The following ST7 variants were observed in gnomAD, a reference collection of about 807,000 sequenced individuals.
The protein encoded by ST7 is suppressor of tumorigenicity 7 protein.
In ST7, 28 loss-of-function variants were observed where a neutral mutation model predicts 78.7. That is an observed-to-expected ratio of 0.36 (90% CI 0.26 to 0.49). The LOEUF (loss-of-function observed/expected upper bound fraction) is 0.49. ST7 is among the 20% of genes least tolerant of loss of function. ST7 has a pLI of 0.99. For synonymous variants in ST7, 247 were observed against 249.6 expected, an observed-to-expected ratio of 0.99 and a Z score of 0.10; for missense variants, 418 against 696.0, an observed-to-expected ratio of 0.60 and a Z score of 4.49.
chr7:117,217,377 G>C (rs1563177051), intron 13 of ST7, among the ~76,000 whole-genome samples: 1 of 152,044 alleles, frequency 6.6e-6, no homozygotes, highest in Non-Finnish European at 1.5e-5. Flanking sequence ...ATGGGAAATG[G>C]CATTAAAATC....
At chr7:117,114,409 A>G (rs548620339) in intron 2 of ST7, among the ~76,000 whole-genome samples, 1 of 152,274 alleles carries the variant, frequency 6.6e-6, no homozygotes, top group Non-Finnish European at 1.5e-5. Context: ...TTTGCCAAAA[A>G]AAAAAAAACT....
chr7:117,014,019 G>A (rs575001805), intron 1 of ST7, among the ~76,000 whole-genome samples: 1 of 152,172 alleles, frequency 6.6e-6, no homozygotes, highest in Admixed American at 6.5e-5. Flanking sequence ...CAGTGGAAAG[G>A]AAAGTAGCAA....
intron 1 of ST7, among the ~76,000 whole-genome samples, chr7:117,038,873 ACTCAATGATATCTT>A (rs1797050609): frequency 6.6e-6 from 1 of 152,142 alleles, no homozygotes; most frequent in South Asian, 2.1e-4. Context: ...AAATCCTTCC[ACTCAATGATATCTT>A]CTCTTAATAT....
At chr7:117,038,287 T>C (rs1797001789) in intron 1 of ST7, among the ~76,000 whole-genome samples, 2 of 152,230 alleles carry the variant, frequency 1.3e-5, no homozygotes, top group Non-Finnish European at 1.5e-5. Context: ...TGTTGGGTAT[T>C]GATTAACACC....
chr7:117,083,216 C>T (rs529944294), intron 1 of ST7, among the ~76,000 whole-genome samples: 92 of 151,950 alleles, frequency 6.1e-4, no homozygotes, highest in African/African-American at 1.9e-3. Flanking sequence ...CCCACAACCA[C>T]ACCTGGCTAA....
intron 6 of ST7, 75 bp downstream of exon 6, chr7:117,132,035 G>A (rs1474724535): frequency 6.6e-6 from 9 of 1,372,030 alleles, no homozygotes; most frequent in Non-Finnish European, 9.2e-6. Context: ...CCATTGATAG[G>A]ATACTTAAAT....
intron 9 of ST7, among the ~76,000 whole-genome samples, chr7:117,170,411 A>G (rs768001301): frequency 6.6e-6 from 1 of 152,206 alleles, no homozygotes; most frequent in Non-Finnish European, 1.5e-5. Context: ...TATACTTTAA[A>G]AATACGAAAT....
chr7:116,990,808 T>C (rs1460987442), intron 1 of ST7, among the ~76,000 whole-genome samples: 1 of 152,224 alleles, frequency 6.6e-6, no homozygotes, highest in African/African-American at 2.4e-5. Context: ...ACACACCATA[T>C]ACTTTACTAA....
chr7:117,176,928 G>A (rs1297343622), intron 10 of ST7, among the ~76,000 whole-genome samples: 2 of 152,132 alleles, frequency 1.3e-5, no homozygotes, highest in Non-Finnish European at 1.5e-5. Context: ...AACCTAGTCC[G>A]GCTCATTTCC....
chr7:116,988,778 C>T (rs758468897), intron 1 of ST7, among the ~76,000 whole-genome samples: 1 of 152,312 alleles, frequency 6.6e-6, no homozygotes, highest in East Asian at 1.9e-4. Context: ...GATGTTGTTA[C>T]TTGAATTGAC....
chr7:116,972,160 GC>G, intron 1 of ST7: 1 of 556,068 alleles, frequency 1.8e-6, no homozygotes, highest in Non-Finnish European at 3.5e-6. Flanking sequence ...GTGGGACTGG[GC>G]TTTCTACATC....
At chr7:117,157,269 A>T (rs1806773959) in intron 9 of ST7, among the ~76,000 whole-genome samples, 1 of 152,194 alleles carries the variant, frequency 6.6e-6, no homozygotes, top group Non-Finnish European at 1.5e-5. Flanking sequence ...ATCCTGCCTC[A>T]TAGACAAAAG....
At chr7:117,024,383 C>T (rs1796088019) in intron 1 of ST7, among the ~76,000 whole-genome samples, 2 of 152,194 alleles carry the variant, frequency 1.3e-5, no homozygotes, top group South Asian at 4.2e-4. Flanking sequence ...TGGGCTCAGT[C>T]CTCCTCTTGT....
chr7:117,090,240 C>T (rs76396472), intron 1 of ST7, among the ~76,000 whole-genome samples: 1 of 136,490 alleles, frequency 7.3e-6, no homozygotes, highest in Non-Finnish European at 1.6e-5. Flanking sequence ...GATAGAAACA[C>T]ACACACACAC....
At chr7:117,111,857 A>G (rs1174142724) in intron 2 of ST7, among the ~76,000 whole-genome samples, 1 of 150,720 alleles carries the variant, frequency 6.6e-6, no homozygotes, top group Non-Finnish European at 1.5e-5. Context: ...TTCGCTTTTG[A>G]GAGTGGTAAG....
chr7:117,057,664 A>T (rs1455018445), intron 1 of ST7, among the ~76,000 whole-genome samples: 5 of 152,268 alleles, frequency 3.3e-5, no homozygotes, highest in African/African-American at 1.2e-4. Flanking sequence ...CCCATACTAA[A>T]TCATCCATTT....
At chr7:117,089,835 G>T (rs148938166) in intron 1 of ST7, among the ~76,000 whole-genome samples, 3,293 of 152,196 alleles carry the variant, frequency 0.022, 95 homozygotes, top group East Asian at 0.12. Flanking sequence ...CTCCCAAAGT[G>T]CTGGGATTAC....
chr7:116,958,315 T>C (rs754466350), intron 1 of ST7, among the ~76,000 whole-genome samples: 10 of 151,990 alleles, frequency 6.6e-5, no homozygotes, highest in Non-Finnish European at 1.2e-4. Context: ...AGACTTTTTT[T>C]TGTGTTAATT....
intron 1 of ST7, among the ~76,000 whole-genome samples, chr7:116,990,802 A>G (rs958862379): frequency 2.0e-5 from 3 of 152,128 alleles, no homozygotes; most frequent in Non-Finnish European, 4.4e-5. Flanking sequence ...TATCTGACAC[A>G]CCATATACTT....
Sources: gnomAD v4.1 joint callset for allele counts (sites outside exome capture counted in the v4.1 genomes callset) on GRCh38, gnomAD v4.1.1 for gene constraint, MANE v1.5 for transcripts, NCBI Gene and HGNC (gene_info 2026-07-23, HGNC 2026-07-21) for gene names.